Variants in ITGA5 observed in about 807,000 individuals in gnomAD.
The protein encoded by ITGA5 is integrin alpha-5.
ITGA5 carries 55 observed loss-of-function variants against 146.3 expected under a neutral mutation model. The ratio of observed to expected loss-of-function variants is 0.38; its 90% CI spans 0.30 to 0.47. The LOEUF is 0.47. Among genes scored for constraint, ITGA5 ranks in the 20% least tolerant of loss-of-function variants. The probability of loss-of-function intolerance (pLI) is 0.99; values close to 1 mark genes in which losing one functional copy is unlikely to be tolerated. For synonymous variants in ITGA5, 500 were observed against 531.8 expected (o/e 0.94, Z 0.82); for missense variants, 1,131 against 1,329.0 (o/e 0.85, Z 2.32).
At chr12:54,406,773 C>T (rs1592289265) in intron 9 of ITGA5, among the ~76,000 whole-genome samples, 2 of 152,306 alleles carry the variant, frequency 1.3e-5, no homozygotes, top group Middle Eastern at 3.4e-3. Context: ...ATAGAACCTT[C>T]TCTCATCTGT....
Position 54,404,816 on chromosome 12 carries a change from A to G in ITGA5, c.1304T>C (p.Leu435Pro). 1 of 1,613,518 alleles carries G rather than the reference A, an allele frequency of 6.2e-7. No individual in the cohort carries two copies. Among genetic ancestry groups the G allele is most frequent in the Non-Finnish European group, 8.5e-7 (1 of 1,179,740 alleles). The change falls in exon 13 of 30, where the codon CTG becomes CCG. Residue 435 changes from leucine (L) to proline (P), a missense_variant. Leu to Pro is a moderately conservative substitution (Grantham distance 98, BLOSUM62 -3). This residue lies in a region of ITGA5 where 889 missense variants were observed against 1,021.5 expected (regional missense o/e 0.87). Transcript: ENST00000293379. Reference protein sequence around the residue: ...VFVFPGGPGGLGSKPSQVLQP... With the variant: ...VFVFPGGPGGPGSKPSQVLQP... ...CAGAACCTGGGAAGGCTTAGAGCCC[A>G]GCCCTCCTGGGCCCCCAGGAAATAC...
At position 54,395,892 on chromosome 12, in the gene ITGA5, G is replaced by T; in HGVS notation, c.*401C>A. The T allele has an allele frequency of 5.7e-6, 1 of 176,144 alleles. No individual in the cohort carries two copies. The allele number at this position is 176,144 out of a possible 1,614,324, so 10.9% of individuals were successfully genotyped here. A position where few individuals can be genotyped will look rare whatever the true frequency, so the allele number is the denominator to read the frequency against. ...CTTCTTTTGGATCTCTGGCAAGGCT[G>T]AGGACAGATCTTTGCAGGTTGGAGC... On this transcript the variant is annotated 3_prime_UTR_variant, in exon 30 of 30. Transcript: ENST00000293379.
chr12:54,411,878 C>T lies in ITGA5; in HGVS notation c.305G>A (p.Gly102Asp), dbSNP rs1337240088. The change falls in exon 2 of 30, where the codon GGT becomes GAT. Residue 102 changes from glycine (G) to aspartate (D), a missense_variant. Coordinates refer to ENST00000293379, the MANE Select transcript of ITGA5 (RefSeq NM_002205.5). ...QGGAVYLCPWGASPTQCTPIE... is the reference protein window; with the variant it reads ...QGGAVYLCPWDASPTQCTPIE... ...GGGGGTGCACTGTGTGGGGCTGGCA[C>T]CCCAAGGACAGAGGTAGACAGCACC... The T allele has an allele frequency of 2.5e-5, 40 of 1,596,190 alleles. No individual in the cohort carries two copies. The highest frequency in any genetic ancestry group is 3.3e-5 in the Non-Finnish European group (39 of 1,171,370).
chr12:54,402,019 G>T lies in ITGA5; in HGVS notation c.2208C>A (p.Pro736=). 2 of 1,614,160 alleles carry T rather than the reference G, an allele frequency of 1.2e-6. No homozygotes were observed. Among genetic ancestry groups the T allele is most frequent in the Non-Finnish European group, 1.7e-6 (2 of 1,180,020 alleles). The part of the protein sequence containing the change: ...SRLLVCDLGN[P]MKAGASLWGG... ...AACTTACACTGGCTCCTGCCTTCAT[G>T]GGGTTGCCCAGGTCACACACCAGCA... Residue 736 remains proline, a synonymous_variant, in exon 21 of 30, where the codon CCC becomes CCA. Coordinates refer to ENST00000293379, the MANE Select transcript of ITGA5 (RefSeq NM_002205.5).
At chr12:54,397,185 G>A (rs571537916) in intron 29 of ITGA5, 180 bp downstream of exon 29, 2 of 567,658 alleles carry the variant, frequency 3.5e-6, no homozygotes, top group South Asian at 2.4e-5. Flanking sequence ...TCTAAGCTAG[G>A]GGCTATAGAA....
chr12:54,400,635 G>C (rs1955773812), intron 25 of ITGA5: 1 of 525,956 alleles, frequency 1.9e-6, no homozygotes, highest in African/African-American at 1.9e-5. Flanking sequence ...GGGAAACAAA[G>C]AAGGGATAGT....
chr12:54,412,143 C>T (rs182402879), intron 1 of ITGA5, among the ~76,000 whole-genome samples, 179 bp from the exon 2 acceptor site: 115 of 152,192 alleles, frequency 7.6e-4, no homozygotes, highest in Non-Finnish European at 1.4e-3. Context: ...TGGAGTCAGG[C>T]GGTCCCCATG....
chr12:54,418,555 G>A (rs922991772), intron 1 of ITGA5, among the ~76,000 whole-genome samples: 2 of 151,520 alleles, frequency 1.3e-5, no homozygotes, highest in African/African-American at 4.9e-5. Context: ...TGGCCCCTAC[G>A]GATCCCGAGG....
At position 54,396,249 on chromosome 12, in the gene ITGA5, G is replaced by A. The variant is rs376377913; in HGVS notation, c.*44C>T. The A allele has an allele frequency of 1.7e-4, 251 of 1,452,436 alleles. 1 individual carries two copies. Among genetic ancestry groups the A allele is most frequent in the Non-Finnish European group, 2.3e-4 (236 of 1,033,914 alleles). 90.0% of individuals were successfully genotyped at this position (1,452,436 alleles called of 1,614,324 possible). A position where few individuals can be genotyped will look rare whatever the true frequency, so the allele number is the denominator to read the frequency against. ...CCTCCTTTTCAGTAGAATGAGGGTG[G>A]GGGGACTGGTTCTTCAGGAATGGGA... On this transcript the variant is annotated 3_prime_UTR_variant, in exon 30 of 30. Transcript: ENST00000293379.
Position 54,409,748 on chromosome 12 carries a change from A to AT in ITGA5, c.350-152dup. On this transcript the variant is annotated intron_variant, in intron 2 of 29. Transcript: ENST00000293379. The surrounding 1 kb of genome is among the most constrained non-coding windows in gnomAD (Gnocchi z 4.7). ...GAGTGTGGAATTGGTAAGGAGCTTA[A>AT]TTCTGCTTTGTGTAGTCTGTTTGTG... 1.7e-6 allele frequency: 1 copy of AT among 602,094 alleles called. No homozygotes were observed. The highest frequency in any genetic ancestry group is 3.0e-6 in the Non-Finnish European group (1 of 338,678). The allele number at this position is 602,094 out of a possible 1,614,324, so 37.3% of individuals were successfully genotyped here. A position where few individuals can be genotyped will look rare whatever the true frequency, so the allele number is the denominator to read the frequency against.
intron 8 of ITGA5, 35 bp downstream of exon 8, chr12:54,407,797 C>G: frequency 6.2e-7 from 1 of 1,610,504 alleles, no homozygotes; most frequent in Non-Finnish European, 8.5e-7. Flanking sequence ...TCTAACCATC[C>G]CCCTCCCTTG....
chr12:54,409,151 T>C lies in ITGA5; in HGVS notation c.583+81A>G. Reference sequence around the variant, plus strand: ...GAACCTCATGGGGGCACATGGTAGGTGCGAGTCAACCCTAAGTATGTGAGA... The same window carrying C: ...GAACCTCATGGGGGCACATGGTAGGCGCGAGTCAACCCTAAGTATGTGAGA... On this transcript the variant is annotated intron_variant, in intron 4 of 29. Transcript: ENST00000293379. This position sits in a 1 kb window ranked among gnomAD's most constrained non-coding sequence, Gnocchi z 4.7. The C allele has an allele frequency of 6.5e-7, 1 of 1,546,728 alleles. No individual in the cohort carries two copies. The highest frequency in any genetic ancestry group is 8.7e-7 in the Non-Finnish European group (1 of 1,144,026).
chr12:54,397,736 G>T (rs1367889497), intron 28 of ITGA5, among the ~76,000 whole-genome samples: 2 of 152,122 alleles, frequency 1.3e-5, no homozygotes, highest in Admixed American at 6.5e-5. Flanking sequence ...TCTGGAGCAG[G>T]CCCAAATATA....
chr12:54,404,512 C>T, intron 13 of ITGA5, 37 bp from the exon 14 acceptor site: 1 of 1,612,148 alleles, frequency 6.2e-7, no homozygotes, highest in Non-Finnish European at 8.5e-7. Context: ...TACAGCAAGC[C>T]CCAGATCAGG....
intron 2 of ITGA5, among the ~76,000 whole-genome samples, chr12:54,410,249 G>A (rs1955925360): frequency 6.6e-6 from 1 of 152,104 alleles, no homozygotes; most frequent in African/African-American, 2.4e-5. Flanking sequence ...GCAGGAGGAT[G>A]GTGGGGAACA....
chr12:54,404,516 G>A (rs2120510650), intron 13 of ITGA5, 41 bp from the exon 14 acceptor site: 1 of 1,610,234 alleles, frequency 6.2e-7, no homozygotes, highest in Non-Finnish European at 8.5e-7. Context: ...GCAAGCCCCA[G>A]ATCAGGATCC....
rs768504106 is a variant in ITGA5, at chr12:54,402,218, G to A, written c.2095C>T (p.Pro699Ser). The change falls in exon 20 of 30, where the codon CCA becomes TCA. Residue 699 changes from proline (P) to serine (S), a missense_variant. Coordinates refer to ENST00000293379, the MANE Select transcript of ITGA5 (RefSeq NM_002205.5). ...ACGAGTCCTGAGTACTCAGCCTCTGGAGGGGCGGTGACCCGAAGCTCAGCC... is the reference window on the plus strand; with the variant it reads ...ACGAGTCCTGAGTACTCAGCCTCTGAAGGGGCGGTGACCCGAAGCTCAGCC... Reference protein sequence around the residue: ...YEAELRVTAPPEAEYSGLVRH... With the variant: ...YEAELRVTAPSEAEYSGLVRH... 14 of 1,613,956 alleles carry A rather than the reference G, an allele frequency of 8.7e-6. No homozygotes were observed. In the Admixed American group the frequency reaches 1.8e-4, roughly 21 times the overall value.
intron 9 of ITGA5, 178 bp downstream of exon 9, chr12:54,407,471 C>T: frequency 1.5e-6 from 1 of 647,148 alleles, no homozygotes; most frequent in East Asian, 2.7e-5. Flanking sequence ...CAGCAGGAAG[C>T]AGAGTATGAA....
At position 54,397,371 on chromosome 12, in the gene ITGA5, G is replaced by A. The variant is rs1463100888; in HGVS notation, c.3060C>T (p.Leu1020=). 2 of 1,613,882 alleles carry A rather than the reference G, an allele frequency of 1.2e-6. No individual in the cohort carries two copies. Among genetic ancestry groups the A allele is most frequent in the Non-Finnish European group, 1.7e-6 (2 of 1,179,942 alleles). The change falls in exon 29 of 30, where the codon CTC becomes CTT. Residue 1020 remains leucine (L), a synonymous_variant. Coordinates refer to ENST00000293379, the MANE Select transcript of ITGA5 (RefSeq NM_002205.5). ...LLLLGLLIYI[L]YKLGFFKRSL... Reference sequence around the variant, plus strand: ...CAAGCAGGATGTGGCTGACCTTGTAGAGGATGTAGATGAGTAGACCTAGGA... The same window carrying A: ...CAAGCAGGATGTGGCTGACCTTGTAAAGGATGTAGATGAGTAGACCTAGGA...
Sources: gnomAD v4.1 joint callset for allele counts (sites outside exome capture counted in the v4.1 genomes callset) on GRCh38, gnomAD v4.1.1 for gene constraint, gnomAD v4.1.1 regional missense constraint, Gnocchi (gnomAD v3.1) non-coding constraint, MANE v1.5 for transcripts, NCBI Gene and HGNC (gene_info 2026-07-23, HGNC 2026-07-21) for gene names.